SAMM50: variants seen among roughly 807,000 people sequenced by gnomAD.
SAMM50 encodes sorting and assembly machinery component 50 homolog.
A neutral mutation model predicts 66.9 loss-of-function variants in SAMM50; 47 were observed. The ratio of observed to expected loss-of-function variants is 0.70; its 90% CI spans 0.56 to 0.90. The LOEUF (loss-of-function observed/expected upper bound fraction) is 0.90. Among genes scored for constraint, SAMM50 ranks in the 40% least tolerant of loss-of-function variants. The probability of loss-of-function intolerance (pLI) is 0.00; values close to 1 mark genes in which losing one functional copy is unlikely to be tolerated. For synonymous variants in SAMM50, 191 were observed against 214.1 expected (o/e 0.89, Z 0.94); for missense variants, 535 against 595.3 (o/e 0.90, Z 1.05).
intron 10 of SAMM50, among the ~76,000 whole-genome samples, chr22:43,978,165 C>T (rs765017524): frequency 4.6e-5 from 7 of 151,942 alleles, no homozygotes; most frequent in South Asian, 2.1e-4. Context: ...CTCTGATGGC[C>T]GGGCGCAGTG....
intron 1 of SAMM50, among the ~76,000 whole-genome samples, chr22:43,959,611 C>A (rs2050138512): frequency 6.6e-6 from 1 of 151,692 alleles, no homozygotes; most frequent in South Asian, 2.1e-4. Flanking sequence ...TCAAGTGATC[C>A]TCCTGCCTTG....
intron 14 of SAMM50, among the ~76,000 whole-genome samples, chr22:43,994,867 T>A (rs1268234847): frequency 6.6e-6 from 1 of 152,222 alleles, no homozygotes; most frequent in African/African-American, 2.4e-5. Flanking sequence ...TTGTTTAATC[T>A]GTTTGTTTGT....
chr22:43,964,693 C>T (rs2050164215), intron 3 of SAMM50, 140 bp downstream of exon 3: 2 of 551,692 alleles, frequency 3.6e-6, no homozygotes, highest in Admixed American at 3.3e-5. Flanking sequence ...AGCCTTGGCA[C>T]CCCCAAGCTG....
Position 43,968,790 on chromosome 22 carries a change from A to T in SAMM50, c.294A>T (p.Gln98His). 6.2e-7 allele frequency: 1 copy of T among 1,612,612 alleles called. No homozygotes were observed. Among genetic ancestry groups the T allele is most frequent in the Non-Finnish European group, 8.5e-7 (1 of 1,178,580 alleles). ...EKLLRLGIFR[Q>H]VDVLIDTCQG... The stretch of plus-strand genomic sequence containing the variant: ...TGCTCCGTCTTGGAATTTTTAGACA[A>T]GTGGATGTTTTGATTGACACATGTC... The change falls in exon 4 of 15, where the codon CAA becomes CAT. Residue 98 changes from glutamine (Q) to histidine (H), a missense_variant. Transcript: ENST00000350028.
At chr22:43,975,805 G>A (rs1702955682) in intron 7 of SAMM50, 1 of 428,326 alleles carries the variant, frequency 2.3e-6, no homozygotes, top group African/African-American at 2.0e-5. Flanking sequence ...CTCACCTGGG[G>A]TGCAGTCCTG....
At chr22:43,993,274 G>A (rs73178447) in intron 14 of SAMM50, among the ~76,000 whole-genome samples, 3,365 of 152,358 alleles carry the variant, frequency 0.022, 64 homozygotes, top group Non-Finnish European at 0.032. Flanking sequence ...CACTGTGCAC[G>A]TCTCGGGCAG....
intron 7 of SAMM50, among the ~76,000 whole-genome samples, chr22:43,974,265 C>T (rs1192295263): frequency 1.3e-5 from 2 of 152,124 alleles, no homozygotes; most frequent in African/African-American, 4.8e-5. Context: ...GTGTGCTCTC[C>T]CTCCAAGAAC....
intron 3 of SAMM50, among the ~76,000 whole-genome samples, chr22:43,966,148 T>C (rs2050172266): frequency 6.6e-6 from 1 of 152,164 alleles, no homozygotes; most frequent in East Asian, 1.9e-4. Flanking sequence ...CCTCTACATT[T>C]TATTATAAAC....
At chr22:43,981,559 A>G in intron 11 of SAMM50, 98 bp downstream of exon 11, 1 of 829,872 alleles carries the variant, frequency 1.2e-6, no homozygotes, top group Non-Finnish European at 2.0e-6. Context: ...TATTTAGGAG[A>G]GCATAGTATT....
chr22:43,973,382 C>T (rs779806276), intron 7 of SAMM50, 59 bp downstream of exon 7: 75 of 1,037,748 alleles, frequency 7.2e-5, no homozygotes, highest in Non-Finnish European at 1.1e-4. Flanking sequence ...GGCTTTTTCA[C>T]TGATTCCCAA....
intron 4 of SAMM50, among the ~76,000 whole-genome samples, chr22:43,969,720 G>T (rs2050194040): frequency 6.6e-6 from 1 of 152,184 alleles, no homozygotes; most frequent in Non-Finnish European, 1.5e-5. Context: ...GAATGTTCTG[G>T]GGACAGAGAT....
chr22:43,968,161 AG>A (rs1396036176), intron 3 of SAMM50, among the ~76,000 whole-genome samples: 1 of 136,988 alleles, frequency 7.3e-6, no homozygotes, highest in Non-Finnish European at 1.5e-5. Flanking sequence ...TGGGAGGCAG[AG>A]GTTGCAGTGA....
rs375997627 is a variant in SAMM50, at chr22:43,976,202, T to G, written c.777+19T>G. Reference sequence around the variant, plus strand: ...TCTTTCGGTAACGGTTTCTCTTAGTTGGAGTAAATAATTTTGTTGATGGAA... The same window carrying G: ...TCTTTCGGTAACGGTTTCTCTTAGTGGGAGTAAATAATTTTGTTGATGGAA... On this transcript the variant is annotated intron_variant, in intron 8 of 14. Transcript: ENST00000350028. 6.9e-6 allele frequency: 11 copies of G among 1,592,788 alleles called. No individual in the cohort carries two copies. The highest frequency in any genetic ancestry group is 9.5e-6 in the Non-Finnish European group (11 of 1,162,870).
intron 12 of SAMM50, among the ~76,000 whole-genome samples, chr22:43,986,043 CT>C (rs550939157): frequency 8.8e-4 from 118 of 134,136 alleles, no homozygotes; most frequent in African/African-American, 2.3e-3. Context: ...TTCTTTCTTT[CT>C]TTTTTTTTTT....
chr22:43,973,130 T>C, intron 6 of SAMM50, 106 bp from the exon 7 acceptor site: 2 of 1,364,638 alleles, frequency 1.5e-6, no homozygotes, highest in South Asian at 1.2e-5. Flanking sequence ...GTAGATTTCC[T>C]CTTGAAGATG....
At position 43,964,995 on chromosome 22, in the gene SAMM50, A is replaced by C. The variant is rs183383751; in HGVS notation, c.234+442A>C. 1.8e-3 allele frequency among the ~76,000 whole-genome samples: 273 copies of C among 151,878 alleles called. 2 individuals carry two copies. Among genetic ancestry groups the C allele is most frequent in the Non-Finnish European group, 3.1e-3 (210 of 67,908 alleles). On this transcript the variant is annotated intron_variant, in intron 3 of 14. Coordinates refer to ENST00000350028, the MANE Select transcript of SAMM50 (RefSeq NM_015380.5). Reference sequence around the variant, plus strand: ...GTCTGTGGAGCAGTCTCCTTCCTGCACTGCACCCCGTTTCTCATCTCCACT... The same window carrying C: ...GTCTGTGGAGCAGTCTCCTTCCTGCCCTGCACCCCGTTTCTCATCTCCACT...
chr22:43,972,632 C>T (rs1003612807), intron 5 of SAMM50, among the ~76,000 whole-genome samples: 1 of 152,180 alleles, frequency 6.6e-6, no homozygotes, highest in Admixed American at 6.5e-5. Flanking sequence ...ATTCTTGAGC[C>T]TCACGGGTGG....
intron 10 of SAMM50, among the ~76,000 whole-genome samples, chr22:43,980,105 C>G (rs1337467298): frequency 1.4e-5 from 2 of 145,510 alleles, no homozygotes; most frequent in African/African-American, 2.6e-5. Flanking sequence ...TCCACCCATC[C>G]ACCCATCCAC....
At chr22:43,978,215 G>C (rs1018004492) in intron 10 of SAMM50, among the ~76,000 whole-genome samples, 12 of 151,868 alleles carry the variant, frequency 7.9e-5, no homozygotes, top group Non-Finnish European at 1.8e-4. Context: ...AGGCTGAGGT[G>C]GGTGGATCAC....
Sources: allele counts gnomAD v4.1 joint callset (sites outside exome capture counted in the v4.1 genomes callset), GRCh38; gene constraint gnomAD v4.1.1; transcripts MANE v1.5; gene names NCBI Gene and HGNC (gene_info 2026-07-23, HGNC 2026-07-21).